The following EPHA7 variants were observed in gnomAD, a reference collection of about 807,000 sequenced individuals.
EPHA7 encodes ephrin type-A receptor 7.
In EPHA7, 25 loss-of-function variants were observed where a neutral mutation model predicts 112.6. The observed-to-expected ratio is 0.22, with a 90% confidence interval of 0.16 to 0.31. The LOEUF is 0.31. EPHA7 is among the 10% of genes least tolerant of loss of function. The probability of loss-of-function intolerance (pLI) is 1.00; values close to 1 mark genes in which losing one functional copy is unlikely to be tolerated. For missense variants in EPHA7, 962 were observed against 1,212.6 expected (o/e 0.79, Z 3.07); for synonymous variants, 437 against 406.5 (o/e 1.07, Z -0.90).
At position 93,398,031 on chromosome 6, in the gene EPHA7, T is replaced by C. The variant is rs184990960; in HGVS notation, c.832+12470A>G. 9.7e-4 allele frequency among the ~76,000 whole-genome samples: 147 copies of C among 152,066 alleles called. 1 individual carries two copies. The highest frequency in any genetic ancestry group is 6.8e-3 in the Middle Eastern group (2 of 294). ...GTTTTTGTCTCTGCAACAGAGTATA[T>C]AATGACAGAAAATCCTTAAAAACTA... is the stretch of plus-strand genomic sequence containing the variant. On this transcript the variant is annotated intron_variant, in intron 3 of 16. Transcript: ENST00000369303.
intron 7 of EPHA7, among the ~76,000 whole-genome samples, chr6:93,266,220 C>T (rs1352419136): frequency 1.3e-5 from 2 of 151,510 alleles, no homozygotes; most frequent in South Asian, 2.1e-4. Context: ...TTTTAATGTA[C>T]ATTTTAAGAA....
At chr6:93,344,767 C>T (rs1290367941) in intron 5 of EPHA7, among the ~76,000 whole-genome samples, 2 of 151,518 alleles carry the variant, frequency 1.3e-5, no homozygotes, top group Admixed American at 6.6e-5. Context: ...AGAAAATTTC[C>T]CTTCCTTTGG....
chr6:93,329,461 G>A (rs186158051), intron 5 of EPHA7, among the ~76,000 whole-genome samples: 3 of 151,286 alleles, frequency 2.0e-5, no homozygotes, highest in Admixed American at 1.3e-4. Context: ...ACAGCATATG[G>A]GCCAAGAACT....
rs141554646 is a variant in EPHA7 at position 93,385,525 on chromosome 6, T to G, written c.832+24976A>C. 3.6e-4 allele frequency among the ~76,000 whole-genome samples: 55 copies of G among 152,144 alleles called. 1 individual carries two copies. In the East Asian group the frequency reaches 0.01, roughly 29 times the overall value. On this transcript the variant is annotated intron_variant, in intron 3 of 16. Coordinates refer to ENST00000369303, the MANE Select transcript of EPHA7 (RefSeq NM_004440.4). ...TTGAAAATAAAAAACCCTATATTTA[T>G]TAACTACAATGGTATCTCATATTTT...
intron 14 of EPHA7, 74 bp from the exon 15 acceptor site, chr6:93,247,059 A>C (rs772937991): frequency 5.3e-5 from 68 of 1,295,070 alleles, no homozygotes; most frequent in Non-Finnish European, 6.6e-5. Context: ...CCTGGTAGGC[A>C]AAATGATTTA....
chr6:93,337,060 T>C (rs1368317911), intron 5 of EPHA7, among the ~76,000 whole-genome samples: 2 of 152,148 alleles, frequency 1.3e-5, no homozygotes, highest in Non-Finnish European at 2.9e-5. Flanking sequence ...TTTGGCTGAA[T>C]GCACAGTCAG....
chr6:93,263,123 C>T (rs1324360596), intron 9 of EPHA7, among the ~76,000 whole-genome samples: 1 of 151,226 alleles, frequency 6.6e-6, no homozygotes, highest in Non-Finnish European at 1.5e-5. Context: ...AAGGTAAGAA[C>T]ATCATCAACT....
At chr6:93,387,539 G>C (rs985355986) in intron 3 of EPHA7, among the ~76,000 whole-genome samples, 1 of 152,002 alleles carries the variant, frequency 6.6e-6, no homozygotes. Context: ...CCCACTACCT[G>C]ATACCAACTG....
chr6:93,314,963 C>T (rs1181669951), intron 5 of EPHA7, among the ~76,000 whole-genome samples: 6 of 145,432 alleles, frequency 4.1e-5, no homozygotes, highest in Admixed American at 1.4e-4. Context: ...CCCGGGTTCA[C>T]GCCATTCTCC....
chr6:93,327,541 C>T (rs927676260), intron 5 of EPHA7, among the ~76,000 whole-genome samples: 1 of 151,496 alleles, frequency 6.6e-6, no homozygotes, highest in African/African-American at 2.4e-5. Flanking sequence ...AGTTCCTAAA[C>T]TTCTTCAAAC....
chr6:93,311,541 T>C (rs1582498260), intron 5 of EPHA7, among the ~76,000 whole-genome samples: 1 of 152,126 alleles, frequency 6.6e-6, no homozygotes, highest in African/African-American at 2.4e-5. Flanking sequence ...CTAATTCTAG[T>C]TCTCTTGCAA....
chr6:93,249,256 CA>C (rs1218903343), intron 14 of EPHA7, among the ~76,000 whole-genome samples: 17 of 152,028 alleles, frequency 1.1e-4, no homozygotes, highest in Non-Finnish European at 1.5e-4. Context: ...GCAAGGATCA[CA>C]AATATATAAG....
rs1346148441 is a variant in EPHA7, at chr6:93,294,822, A to G, written c.1325-22400T>C. Among the ~76,000 whole-genome samples the G allele has an allele frequency of 2.0e-5, 3 of 152,130 alleles. No individual in the cohort carries two copies. The East Asian group carries it at 5.8e-4, about 29-fold the overall frequency. ...GTCACAATGTTGGAGGGTTATAGAA[A>G]GTAGAATAAAATCAGTACTTTTTCT... On this transcript the variant is annotated intron_variant, in intron 5 of 16. Transcript: ENST00000369303.
chr6:93,336,401 T>TTTG (rs1393309129), intron 5 of EPHA7, among the ~76,000 whole-genome samples: 1 of 152,018 alleles, frequency 6.6e-6, no homozygotes, highest in Non-Finnish European at 1.5e-5. Context: ...CCTTTTACAC[T>TTTG]TTGTTGTTGT....
At chr6:93,396,060 G>A (rs1450392000) in intron 3 of EPHA7, among the ~76,000 whole-genome samples, 1 of 151,848 alleles carries the variant, frequency 6.6e-6, no homozygotes, top group East Asian at 1.9e-4. Context: ...CTATTGGAAA[G>A]GATGCAATCA....
At chr6:93,272,210 G>T in intron 6 of EPHA7, 88 bp downstream of exon 6, 1 of 1,462,404 alleles carries the variant, frequency 6.8e-7, no homozygotes, top group Non-Finnish European at 9.3e-7. Flanking sequence ...CCAAATTGTT[G>T]GCATAATGAC....
intron 5 of EPHA7, among the ~76,000 whole-genome samples, chr6:93,293,046 G>T (rs1029022501): frequency 2.6e-5 from 4 of 151,954 alleles, no homozygotes; most frequent in East Asian, 3.9e-4. Context: ...CAATTGAAAA[G>T]AAATGATAAA....
intron 3 of EPHA7, among the ~76,000 whole-genome samples, chr6:93,408,149 T>C (rs1289154736): frequency 6.6e-6 from 1 of 152,018 alleles, no homozygotes; most frequent in Non-Finnish European, 1.5e-5. Flanking sequence ...TAAATTTAAT[T>C]GTGTACTTTT....
chr6:93,284,442 G>C (rs1275706605), intron 5 of EPHA7, among the ~76,000 whole-genome samples: 1 of 152,014 alleles, frequency 6.6e-6, no homozygotes, highest in East Asian at 1.9e-4. Context: ...GAATAAGAAA[G>C]ATCAGCAGCA....
Sources: gnomAD v4.1 joint callset for allele counts (sites outside exome capture counted in the v4.1 genomes callset) on GRCh38, gnomAD v4.1.1 for gene constraint, MANE v1.5 for transcripts, NCBI Gene and HGNC (gene_info 2026-07-23, HGNC 2026-07-21) for gene names.